BICD1: variants seen among roughly 807,000 people sequenced by gnomAD.
The protein encoded by BICD1 is BICD cargo adaptor 1, also known as protein bicaudal D homolog 1.
A neutral mutation model predicts 92.5 loss-of-function variants in BICD1; 35 were observed. The observed-to-expected ratio is 0.38, with a 90% CI of 0.29 to 0.50. The LOEUF (loss-of-function observed/expected upper bound fraction) is 0.50. Ranked by LOEUF, BICD1 falls within the 20% of genes least tolerant of loss-of-function variation. The pLI is 0.93. For synonymous variants in BICD1, 429 were observed against 465.1 expected (o/e 0.92, Z 1.00); for missense variants, 950 against 1,189.8 (o/e 0.80, Z 2.97).
intron 1 of BICD1, among the ~76,000 whole-genome samples, chr12:32,153,451 T>C (rs16919377): frequency 0.04 from 6,071 of 152,218 alleles, 395 homozygotes; most frequent in African/African-American, 0.14. Flanking sequence ...ACTATTCTTG[T>C]TAAGTGAGTC....
At chr12:32,330,578 T>A (rs928022556) in intron 5 of BICD1, among the ~76,000 whole-genome samples, 3 of 149,912 alleles carry the variant, frequency 2.0e-5, no homozygotes, top group African/African-American at 7.3e-5. Context: ...TAAATTAAAA[T>A]ATATATATAT....
At chr12:32,159,710 G>A (rs890974316) in intron 1 of BICD1, among the ~76,000 whole-genome samples, 3 of 152,198 alleles carry the variant, frequency 2.0e-5, no homozygotes, top group Admixed American at 1.3e-4. Context: ...GTGTCCCCAA[G>A]CCAGAGTCAT....
intron 2 of BICD1, among the ~76,000 whole-genome samples, chr12:32,251,670 A>C (rs1946525700): frequency 6.6e-6 from 1 of 152,140 alleles, no homozygotes; most frequent in South Asian, 2.1e-4. Flanking sequence ...TTATGTGTCC[A>C]GCTCCCTGTG....
intron 3 of BICD1, among the ~76,000 whole-genome samples, chr12:32,298,684 A>G (rs1460580632): frequency 6.6e-6 from 1 of 150,974 alleles, no homozygotes; most frequent in African/African-American, 2.4e-5. Context: ...CAGCCTGACC[A>G]ACATAGAGAA....
intron 2 of BICD1, among the ~76,000 whole-genome samples, chr12:32,292,848 A>G (rs1404884003): frequency 6.6e-6 from 1 of 152,246 alleles, no homozygotes; most frequent in African/African-American, 2.4e-5. Flanking sequence ...GACTATGAAT[A>G]TGTTACATGT....
chr12:32,200,908 T>G (rs953475175), intron 1 of BICD1, among the ~76,000 whole-genome samples: 5 of 152,152 alleles, frequency 3.3e-5, no homozygotes. Context: ...ACAAAGGAAA[T>G]AATATGTCCA....
intron 2 of BICD1, among the ~76,000 whole-genome samples, chr12:32,239,369 C>T (rs1946170949): frequency 6.6e-6 from 1 of 151,014 alleles, no homozygotes; most frequent in African/African-American, 2.4e-5. Context: ...GAGTTTGAGA[C>T]CAGCCTGATC....
chr12:32,136,116 C>T (rs752619197), intron 1 of BICD1, among the ~76,000 whole-genome samples: 9 of 152,336 alleles, frequency 5.9e-5, no homozygotes, highest in Non-Finnish European at 1.3e-4. Flanking sequence ...ACTGAGGCAA[C>T]TATAATGTTC....
At chr12:32,308,618 C>T (rs1332729406) in intron 4 of BICD1, among the ~76,000 whole-genome samples, 1 of 152,026 alleles carries the variant, frequency 6.6e-6, no homozygotes, top group East Asian at 1.9e-4. Context: ...GCTATTAGCT[C>T]AAGGCCAATC....
intron 2 of BICD1, among the ~76,000 whole-genome samples, chr12:32,245,332 C>T (rs1298966544): frequency 6.6e-6 from 1 of 151,786 alleles, no homozygotes; most frequent in Admixed American, 6.6e-5. Flanking sequence ...CTGCAAGCTC[C>T]CCCTCCCAGG....
chr12:32,286,572 G>A (rs1456074773), intron 2 of BICD1, among the ~76,000 whole-genome samples: 1 of 152,102 alleles, frequency 6.6e-6, no homozygotes, highest in African/African-American at 2.4e-5. Flanking sequence ...AGGAACAGAA[G>A]GCAGAAACCA....
chr12:32,258,595 C>T (rs112284207), intron 2 of BICD1, among the ~76,000 whole-genome samples: 7,799 of 151,690 alleles, frequency 0.051, 235 homozygotes, highest in Middle Eastern at 0.11. Context: ...TGATATTTAT[C>T]GTATACAAGA....
intron 2 of BICD1, among the ~76,000 whole-genome samples, chr12:32,289,986 G>T (rs558827919): frequency 6.6e-6 from 1 of 152,176 alleles, no homozygotes; most frequent in Admixed American, 6.5e-5. Context: ...GAGGGAAGCT[G>T]TAAAGGGAGG....
intron 3 of BICD1, among the ~76,000 whole-genome samples, chr12:32,296,898 T>G (rs565852429): frequency 1.3e-5 from 2 of 152,300 alleles, no homozygotes; most frequent in African/African-American, 4.8e-5. Flanking sequence ...CCCATGCCCT[T>G]CTCCCAGTAA....
At chr12:32,302,780 T>C (rs79827031) in intron 3 of BICD1, among the ~76,000 whole-genome samples, 10,555 of 152,086 alleles carry the variant, frequency 0.069, 521 homozygotes, top group South Asian at 0.14. Context: ...AATTAGCACT[T>C]TCTAGTTTTC....
intron 8 of BICD1, among the ~76,000 whole-genome samples, chr12:32,347,036 C>T (rs1419639314): frequency 6.7e-6 from 1 of 150,322 alleles, no homozygotes; most frequent in African/African-American, 2.4e-5. Flanking sequence ...ACCGCAACCT[C>T]CGCCTCCCAG....
At position 32,194,740 on chromosome 12, in the gene BICD1, G is replaced by A. The variant is rs904324721; in HGVS notation, c.214-21507G>A. ...CTACTAAAAATACAAAAAATTAGCC[G>A]GGCGTGGTGGCGCATGCCTGTAATC... On this transcript the variant is annotated intron_variant, in intron 1 of 9. Coordinates refer to ENST00000652176, the MANE Select transcript of BICD1 (RefSeq NM_001714.4). Among the ~76,000 whole-genome samples the A allele has an allele frequency of 3.0e-4, 45 of 151,700 alleles. 1 individual carries two copies. Among genetic ancestry groups the A allele is most frequent in the Admixed American group, 1.8e-3 (28 of 15,238 alleles).
At chr12:32,340,133 A>G (rs1938308437) in intron 8 of BICD1, 2 of 985,124 alleles carry the variant, frequency 2.0e-6, no homozygotes, top group South Asian at 4.7e-5. Flanking sequence ...TGCAAACCTC[A>G]GCCTTTGGAT....
At chr12:32,203,946 A>G (rs1417025033) in intron 1 of BICD1, among the ~76,000 whole-genome samples, 1 of 152,222 alleles carries the variant, frequency 6.6e-6, no homozygotes, top group Non-Finnish European at 1.5e-5. Flanking sequence ...GAAACAACCC[A>G]TAAATACTTG....
Sources: allele counts gnomAD v4.1 joint callset (sites outside exome capture counted in the v4.1 genomes callset), GRCh38; gene constraint gnomAD v4.1.1; transcripts MANE v1.5; gene names NCBI Gene and HGNC (gene_info 2026-07-23, HGNC 2026-07-21).